Variants in LOXL4 observed in about 807,000 individuals in gnomAD.
The protein encoded by LOXL4 is lysyl oxidase homolog 4.
LOXL4 carries 72 observed loss-of-function variants against 89.1 expected under a neutral mutation model. That is an observed-to-expected ratio of 0.81 (90% CI 0.67 to 0.98). The LOEUF (loss-of-function observed/expected upper bound fraction) is 0.98, where lower values mean the gene tolerates loss of function less well. LOXL4 is among the 50% of genes least tolerant of loss of function. The pLI is 0.00. For synonymous variants in LOXL4, 355 were observed against 392.1 expected (o/e 0.91, Z 1.12); for missense variants, 984 against 1,017.5 (o/e 0.97, Z 0.45).
intron 3 of LOXL4, among the ~76,000 whole-genome samples, chr10:98,261,465 T>A (rs1056419421): frequency 1.3e-5 from 2 of 152,118 alleles, no homozygotes; most frequent in Non-Finnish European, 2.9e-5. Context: ...GGAAGGGCCT[T>A]CTCTGTACCA....
In LOXL4 at chr10:98,248,339, CAT is replaced by C. The variant is rs896250604; in HGVS notation, c.*580_*581del. On this transcript the variant is annotated 3_prime_UTR_variant, in exon 15 of 15. Coordinates refer to ENST00000260702, the MANE Select transcript of LOXL4 (RefSeq NM_032211.7). ...TGCTTCCAAGGATAATAGAAACACC[CAT>C]GTGTGTGGTAAGATAAAGGTAAGGA... The C allele has an allele frequency of 1.3e-5, 2 of 152,748 alleles. No individual in the cohort carries two copies. The highest frequency in any genetic ancestry group is 2.4e-5 in the African/African-American group (1 of 41,418). 9.5% of individuals were successfully genotyped at this position (152,748 alleles called of 1,614,324 possible).
chr10:98,254,670 T>C (rs1220067703), intron 10 of LOXL4, among the ~76,000 whole-genome samples: 1 of 152,138 alleles, frequency 6.6e-6, no homozygotes, highest in Non-Finnish European at 1.5e-5. Flanking sequence ...ATCAAATGTG[T>C]TCAAGAAGAG....
intron 8 of LOXL4, 150 bp from the exon 9 acceptor site, chr10:98,257,097 G>A: frequency 2.1e-6 from 2 of 964,610 alleles, no homozygotes; most frequent in South Asian, 3.5e-5. Context: ...TCTGTAAGGT[G>A]AGGACAGTGT....
intron 12 of LOXL4, chr10:98,252,113 C>T (rs1858209535): frequency 1.9e-6 from 1 of 527,218 alleles, no homozygotes; most frequent in East Asian, 3.4e-5. Context: ...CAACTCTTCT[C>T]CAAGATGGAA....
intron 5 of LOXL4, 57 bp from the exon 6 acceptor site, chr10:98,259,285 T>C: frequency 1.3e-6 from 2 of 1,581,810 alleles, no homozygotes; most frequent in Non-Finnish European, 1.7e-6. Context: ...GCTTCAGGAC[T>C]AAGGGAGGCC....
intron 13 of LOXL4, 142 bp from the exon 14 acceptor site, chr10:98,251,318 ATT>A: frequency 1.2e-6 from 1 of 809,352 alleles, no homozygotes; most frequent in Non-Finnish European, 2.0e-6. Context: ...TGATGTTCCC[ATT>A]TTACAGATAG....
At position 98,259,053 on chromosome 10, in the gene LOXL4, G is replaced by A. The variant is rs142872606; in HGVS notation, c.877C>T (p.Arg293Cys). The A allele has an allele frequency of 1.0e-3, 1,585 of 1,568,612 alleles. 10 individuals carry two copies. The African/African-American group carries it at 0.013, about 13-fold the overall frequency. ...VVSCVAGPHF[R>C]PPKTKPQRKG... The stretch of plus-strand genomic sequence containing the variant: ...CGTTGTGGCTTTGTCTTCGGTGGGC[G>A]GAAGTGAGGCCCTGCCACACAGCTG... Residue 293 changes from arginine to cysteine, a missense_variant, in exon 6 of 15, where the codon CGC (arginine) becomes TGC (cysteine). Physicochemically the swap from Arg to Cys is radical, Grantham distance 180. Transcript: ENST00000260702.
At chr10:98,258,211 G>A in intron 6 of LOXL4, 47 bp from the exon 7 acceptor site, 1 of 1,556,026 alleles carries the variant, frequency 6.4e-7, no homozygotes, top group South Asian at 1.2e-5. Context: ...GGAGGCACCA[G>A]CAGGGGCTGA....
intron 14 of LOXL4, 72 bp downstream of exon 14, chr10:98,250,993 C>A: frequency 9.4e-7 from 1 of 1,068,492 alleles, no homozygotes; most frequent in Non-Finnish European, 1.4e-6. Flanking sequence ...AGTGTGGGAG[C>A]AGAGGGTACA....
intron 14 of LOXL4, among the ~76,000 whole-genome samples, chr10:98,250,843 G>A (rs1290446530): frequency 1.3e-5 from 2 of 152,204 alleles, no homozygotes; most frequent in Admixed American, 6.5e-5. Flanking sequence ...GTGCAAACAG[G>A]GATGTAGAAG....
intron 12 of LOXL4, 37 bp downstream of exon 12, chr10:98,252,316 A>C: frequency 6.8e-7 from 1 of 1,461,200 alleles, no homozygotes; most frequent in Non-Finnish European, 9.6e-7. Context: ...ACATAACAAA[A>C]GGAGATGCTG....
chr10:98,266,278 C>G (rs1030255028), intron 1 of LOXL4, among the ~76,000 whole-genome samples: 1 of 152,184 alleles, frequency 6.6e-6, no homozygotes, highest in Non-Finnish European at 1.5e-5. Context: ...CTATCTCTGC[C>G]GCCAAATTGT....
rs544139451 is a variant in LOXL4, at chr10:98,257,756, C to G, written c.1154G>C (p.Arg385Pro). 1.6e-5 allele frequency: 26 copies of G among 1,614,090 alleles called. No homozygotes were observed. In the East Asian group the frequency reaches 4.9e-4, roughly 30 times the overall value. Residue 385 changes from arginine (R) to proline (P), a missense_variant, in exon 8 of 15, where the codon CGG becomes CCG. Physicochemically the swap from Arg to Pro is moderately radical, Grantham distance 103. Coordinates refer to ENST00000260702, the MANE Select transcript of LOXL4 (RefSeq NM_032211.7). Reference sequence around the variant, plus strand: ...CAGGGCAGGGCAGTCGCTGAGGGTCCGCTCATATCCCCTGCAGCGCACCTC... The same window carrying G: ...CAGGGCAGGGCAGTCGCTGAGGGTCGGCTCATATCCCCTGCAGCGCACCTC... ...LSEVRCRGYE[R>P]TLSDCPALEG...
rs1450424200 is a variant in LOXL4, at chr10:98,251,564, A to C, written c.2088+2T>G. ...CTGTGGGGAATCCCCCAGCCGCCTT[A>C]CCTGGAAGATATAATTCCCGGGGCC... On this transcript the variant is annotated splice_donor_variant, in intron 13 of 14. Transcript: ENST00000260702. LOFTEE classifies it high-confidence loss of function. The C allele has an allele frequency of 1.1e-5, 17 of 1,613,990 alleles. No homozygotes were observed. Among genetic ancestry groups the C allele is most frequent in the Non-Finnish European group, 1.4e-5 (17 of 1,179,996 alleles).
Position 98,267,945 on chromosome 10 carries a change from T to A in LOXL4, c.-33+187A>T, listed in dbSNP as rs566500218. 2.2e-3 allele frequency among the ~76,000 whole-genome samples: 338 copies of A among 152,188 alleles called. 1 individual carries two copies. The highest frequency in any genetic ancestry group is 0.01 in the Middle Eastern group (3 of 292). ...GGCCAAGCTCCCCAGCGTGGTCACT[T>A]GTCCAGTTGGAAGCAGGTTGGTGAG... On this transcript the variant is annotated intron_variant, in intron 1 of 14. Coordinates refer to ENST00000260702, the MANE Select transcript of LOXL4 (RefSeq NM_032211.7).
intron 12 of LOXL4, 106 bp downstream of exon 12, chr10:98,252,247 A>G (rs1401776303): frequency 3.8e-5 from 30 of 782,668 alleles, no homozygotes; most frequent in Admixed American, 1.5e-4. Flanking sequence ...CAGGGTCTCC[A>G]GGTGCCCTGG....
chr10:98,252,351 A>C lies in LOXL4; in HGVS notation c.1951+2T>G, dbSNP rs753142849. 6.2e-7 allele frequency: 1 copy of C among 1,604,144 alleles called. No individual in the cohort carries two copies. The highest frequency in any genetic ancestry group is 1.1e-5 in the South Asian group (1 of 90,876). On this transcript the variant is annotated splice_donor_variant, in intron 12 of 14. Transcript: ENST00000260702. LOFTEE classifies it high-confidence loss of function. ...GATAGGTGCTGACAGGAAACCACAT[A>C]CCTGTGGGGCAGTTTGTGTCCTCCA...
chr10:98,256,783 G>A lies in LOXL4; in HGVS notation c.1425C>T (p.Tyr475=). ...AAGAAACAACAGAGGGACCTACCTTGTAGGCATGGATGGCAAAACCCAGGC... is the reference window on the plus strand; with the variant it reads ...AAGAAACAACAGAGGGACCTACCTTATAGGCATGGATGGCAAAACCCAGGC... The part of the protein sequence containing the change: ...QLGLGFAIHA[Y]KETWFWSGTP... Residue 475 remains tyrosine, a synonymous_variant, in exon 9 of 15, where the codon TAC becomes TAT. Coordinates refer to ENST00000260702, the MANE Select transcript of LOXL4 (RefSeq NM_032211.7). 6.2e-7 allele frequency: 1 copy of A among 1,614,094 alleles called. No individual in the cohort carries two copies.
At chr10:98,258,212 C>T (rs1193706646) in intron 6 of LOXL4, 48 bp from the exon 7 acceptor site, 2 of 1,553,910 alleles carry the variant, frequency 1.3e-6, no homozygotes, top group Admixed American at 1.8e-5. Context: ...GAGGCACCAG[C>T]AGGGGCTGAG....
Sources: gnomAD v4.1 joint callset for allele counts (sites outside exome capture counted in the v4.1 genomes callset) on GRCh38, gnomAD v4.1.1 for gene constraint, MANE v1.5 for transcripts, NCBI Gene and HGNC (gene_info 2026-07-23, HGNC 2026-07-21) for gene names.